The following ACSS3 variants were observed in gnomAD, a reference collection of about 807,000 sequenced individuals.
ACSS3 encodes the protein acyl-CoA synthetase short-chain family member 3, mitochondrial.
In ACSS3, 64 loss-of-function variants were observed where a neutral mutation model predicts 84.2. The ratio of observed to expected loss-of-function variants is 0.76; its 90% confidence interval spans 0.62 to 0.94. The LOEUF is 0.94. Ranked by LOEUF, ACSS3 falls within the 40% of genes least tolerant of loss-of-function variation. The probability of loss-of-function intolerance (pLI) is 0.00; values close to 1 mark genes in which losing one functional copy is unlikely to be tolerated. For synonymous variants in ACSS3, 317 were observed against 310.1 expected, an observed-to-expected ratio of 1.02 and a Z score of -0.23; for missense variants, 815 against 867.6, an observed-to-expected ratio of 0.94 and a Z score of 0.76.
At chr12:81,157,164 A>T (rs1327709687) in intron 7 of ACSS3, among the ~76,000 whole-genome samples, 1 of 152,232 alleles carries the variant, frequency 6.6e-6, no homozygotes, top group Non-Finnish European at 1.5e-5. Flanking sequence ...CACTGTGACC[A>T]AGTGGAATTT....
In ACSS3 at chr12:81,253,410, A is replaced by G; in HGVS notation, c.1819+4A>G. The G allele has an allele frequency of 6.2e-7, 1 of 1,613,674 alleles. No homozygotes were observed. The highest frequency in any genetic ancestry group is 1.3e-5 in the African/African-American group (1 of 75,022). On this transcript the variant is annotated splice_donor_region_variant and intron_variant, in intron 14 of 15. Coordinates refer to ENST00000548058, the MANE Select transcript of ACSS3 (RefSeq NM_024560.4). ...GCACTCTGTGTATTGAGAAAAGGTGAGAGATCTTTTTCTCCCTGATTGCTT... is the reference window on the plus strand; with the variant it reads ...GCACTCTGTGTATTGAGAAAAGGTGGGAGATCTTTTTCTCCCTGATTGCTT...
intron 7 of ACSS3, among the ~76,000 whole-genome samples, chr12:81,162,541 A>G (rs144372511): frequency 2.6e-5 from 4 of 152,162 alleles, no homozygotes; most frequent in Admixed American, 2.0e-4. Context: ...AAAAAGCACC[A>G]TAAGTTCTCA....
chr12:81,151,690 T>C, intron 5 of ACSS3, 154 bp from the exon 6 acceptor site: 1 of 609,626 alleles, frequency 1.6e-6, no homozygotes, highest in Non-Finnish European at 2.7e-6. Flanking sequence ...CCCAAAGAAA[T>C]AATGATTCAA....
intron 7 of ACSS3, among the ~76,000 whole-genome samples, chr12:81,166,528 T>C (rs1887410680): frequency 6.6e-6 from 1 of 152,002 alleles, no homozygotes. Flanking sequence ...GAGTTAGAAA[T>C]TGGAGTCAAC....
chr12:81,110,186 T>A (rs1181519529), intron 2 of ACSS3, among the ~76,000 whole-genome samples: 1 of 152,204 alleles, frequency 6.6e-6, no homozygotes, highest in Non-Finnish European at 1.5e-5. Context: ...AAATCTAGAT[T>A]GCTGTGGTGT....
At chr12:81,145,003 C>T (rs1886263682) in intron 5 of ACSS3, among the ~76,000 whole-genome samples, 1 of 149,558 alleles carries the variant, frequency 6.7e-6, no homozygotes, top group South Asian at 2.1e-4. Flanking sequence ...CGGGTTCACG[C>T]CATTCTCGTG....
chr12:81,158,163 T>C (rs1886974726), intron 7 of ACSS3, among the ~76,000 whole-genome samples: 1 of 152,110 alleles, frequency 6.6e-6, no homozygotes, highest in African/African-American at 2.4e-5. Flanking sequence ...TATTGTAGTT[T>C]TGCAGTTTTT....
At chr12:81,092,611 T>TAATTAAAAAAACAA (rs2121340277) in intron 1 of ACSS3, among the ~76,000 whole-genome samples, 1 of 152,210 alleles carries the variant, frequency 6.6e-6, no homozygotes, top group South Asian at 2.1e-4. Flanking sequence ...GTGCAGCCTC[T>TAATTAAAAAAACAA]CATTTTTTGT....
intron 9 of ACSS3, among the ~76,000 whole-genome samples, chr12:81,213,627 CT>C (rs1565723490): frequency 9.5e-5 from 2 of 21,018 alleles, no homozygotes; most frequent in African/African-American, 3.9e-4. Flanking sequence ...CTCCTCCCCT[CT>C]CCTCACCTCC....
chr12:81,104,427 G>C (rs1882796288), intron 1 of ACSS3, among the ~76,000 whole-genome samples: 1 of 152,150 alleles, frequency 6.6e-6, no homozygotes, highest in South Asian at 2.1e-4. Flanking sequence ...ATCCTTACCA[G>C]TAAAGACCTG....
intron 13 of ACSS3, among the ~76,000 whole-genome samples, chr12:81,252,602 CATAT>C (rs150873068): frequency 2.0e-5 from 3 of 148,980 alleles, no homozygotes; most frequent in African/African-American, 4.9e-5. Flanking sequence ...GTCCCGTCAC[CATAT>C]ATATATATAT....
chr12:81,254,763 T>TG (rs2034253015), intron 15 of ACSS3, 94 bp from the exon 16 acceptor site: 1 of 989,356 alleles, frequency 1.0e-6, no homozygotes, highest in East Asian at 2.6e-5. Flanking sequence ...TACAAGACAA[T>TG]GGGGAAAACA....
intron 9 of ACSS3, among the ~76,000 whole-genome samples, chr12:81,215,587 A>T (rs10862264): frequency 0.18 from 27,270 of 152,184 alleles, 2,630 homozygotes; most frequent in Middle Eastern, 0.22. Flanking sequence ...TAGAAGATGG[A>T]TGCCTTTAAT....
intron 1 of ACSS3, among the ~76,000 whole-genome samples, chr12:81,105,373 C>T (rs905099205): frequency 6.6e-6 from 1 of 152,050 alleles, no homozygotes; most frequent in Non-Finnish European, 1.5e-5. Flanking sequence ...ATGGGCTCAA[C>T]AGCAGAATGC....
intron 9 of ACSS3, among the ~76,000 whole-genome samples, chr12:81,200,963 T>G (rs1037556022): frequency 1.4e-4 from 21 of 147,386 alleles, no homozygotes; most frequent in Non-Finnish European, 1.5e-4. Context: ...ATATGAAATA[T>G]AAAATGAATA....
At chr12:81,231,558 T>A (rs1272661483) in intron 12 of ACSS3, among the ~76,000 whole-genome samples, 1 of 151,884 alleles carries the variant, frequency 6.6e-6, no homozygotes. Flanking sequence ...GCAAAATCCA[T>A]TCAGCTTGCC....
At chr12:81,239,111 C>A in intron 13 of ACSS3, among the ~76,000 whole-genome samples, 1 of 151,896 alleles carries the variant, frequency 6.6e-6, no homozygotes, top group African/African-American at 2.4e-5. Context: ...TTCTTTGACT[C>A]ATGTGTTATT....
chr12:81,115,282 A>T (rs983723858), intron 2 of ACSS3, among the ~76,000 whole-genome samples: 1 of 152,146 alleles, frequency 6.6e-6, no homozygotes, highest in African/African-American at 2.4e-5. Flanking sequence ...ACTAATTTAT[A>T]TTCCTATCTG....
chr12:81,084,171 T>G (rs1467534249), intron 1 of ACSS3, among the ~76,000 whole-genome samples: 1 of 152,148 alleles, frequency 6.6e-6, no homozygotes, highest in Non-Finnish European at 1.5e-5. Context: ...TTGTTTGCAG[T>G]GCCTCGTAAG....
Sources: allele counts gnomAD v4.1 joint callset (sites outside exome capture counted in the v4.1 genomes callset), GRCh38; gene constraint gnomAD v4.1.1; transcripts MANE v1.5; gene names NCBI Gene and HGNC (gene_info 2026-07-23, HGNC 2026-07-21).